The following MAST4 variants were observed in gnomAD, a reference collection of about 807,000 sequenced individuals.
The protein encoded by MAST4 is microtubule-associated serine/threonine-protein kinase 4.
A neutral mutation model predicts 162.7 loss-of-function variants in MAST4; 89 were observed. That is an observed-to-expected ratio of 0.55 (90% CI 0.46 to 0.65). The LOEUF (loss-of-function observed/expected upper bound fraction) is 0.65, where lower values mean the gene tolerates loss of function less well. MAST4 is among the 30% of genes least tolerant of loss of function. MAST4 has a pLI of 0.00. For synonymous variants in MAST4, 1,479 were observed against 1,361.1 expected, an observed-to-expected ratio of 1.09 and a Z score of -1.91; for missense variants, 3,153 against 3,374.0, an observed-to-expected ratio of 0.93 and a Z score of 1.62.
chr5:66,688,074 G>C (rs991126238), intron 1 of MAST4, among the ~76,000 whole-genome samples: 8 of 152,098 alleles, frequency 5.3e-5, no homozygotes, highest in Non-Finnish European at 1.0e-4. Flanking sequence ...CCTTTAGCTT[G>C]GTTTGGACAG....
intron 1 of MAST4, among the ~76,000 whole-genome samples, chr5:66,730,749 C>G (rs926040479): frequency 8.0e-6 from 1 of 125,110 alleles, no homozygotes; most frequent in African/African-American, 3.4e-5. Flanking sequence ...TGCCTACCTA[C>G]TCTGTGTGTG....
chr5:66,841,090 T>G (rs777762283), intron 3 of MAST4, among the ~76,000 whole-genome samples: 2 of 152,136 alleles, frequency 1.3e-5, no homozygotes, highest in Non-Finnish European at 2.9e-5. Context: ...GATATATTAC[T>G]TACCTCCCAG....
At chr5:66,901,274 T>C (rs766636585) in intron 4 of MAST4, among the ~76,000 whole-genome samples, 1 of 152,126 alleles carries the variant, frequency 6.6e-6, no homozygotes, top group Non-Finnish European at 1.5e-5. Flanking sequence ...ATCTTGCTTT[T>C]AGCCTTTTTA....
At chr5:67,061,913 GT>G (rs1164753444) in intron 5 of MAST4, among the ~76,000 whole-genome samples, 1 of 152,032 alleles carries the variant, frequency 6.6e-6, no homozygotes, top group Non-Finnish European at 1.5e-5. Context: ...CATTACAACA[GT>G]TTTTTCCACC....
At chr5:66,786,643 C>T (rs1046144471) in intron 2 of MAST4, among the ~76,000 whole-genome samples, 1 of 152,172 alleles carries the variant, frequency 6.6e-6, no homozygotes, top group Non-Finnish European at 1.5e-5. Context: ...TCCTGCTCTT[C>T]CTCATTAATT....
intron 3 of MAST4, among the ~76,000 whole-genome samples, chr5:66,851,230 C>T (rs1205138717): frequency 6.6e-6 from 1 of 152,182 alleles, no homozygotes. Context: ...CCCAAATCAA[C>T]TACTTTGAAG....
In MAST4 at chr5:67,167,684, G is replaced by C. The variant is rs894900592; in HGVS notation, c.*633G>C. ...AGAGTTTCTGATAGTACTGTATCTGGCTACCTATATTTCCAGATCTAAAGC... is the reference window on the plus strand; with the variant it reads ...AGAGTTTCTGATAGTACTGTATCTGCCTACCTATATTTCCAGATCTAAAGC... On this transcript the variant is annotated 3_prime_UTR_variant, in exon 29 of 29. Transcript: ENST00000403625. The C allele has an allele frequency of 1.3e-5, 2 of 152,142 alleles. No homozygotes were observed. Among genetic ancestry groups the C allele is most frequent in the Admixed American group, 6.5e-5 (1 of 15,278 alleles). 9.4% of individuals were successfully genotyped at this position (152,142 alleles called of 1,614,324 possible).
intron 1 of MAST4, among the ~76,000 whole-genome samples, chr5:66,629,139 G>T (rs1031758446): frequency 1.3e-5 from 2 of 152,214 alleles, no homozygotes; most frequent in Non-Finnish European, 2.9e-5. Context: ...AATTGAGCCT[G>T]CATTGATAAT....
intron 4 of MAST4, among the ~76,000 whole-genome samples, chr5:66,978,896 A>C (rs1292498343): frequency 6.6e-6 from 1 of 152,200 alleles, no homozygotes. Flanking sequence ...ATGGTAGCTT[A>C]GTAAGATTTC....
intron 1 of MAST4, among the ~76,000 whole-genome samples, chr5:66,600,979 T>C (rs117456860): frequency 6.6e-6 from 1 of 152,218 alleles, no homozygotes; most frequent in Non-Finnish European, 1.5e-5. Context: ...ATGGTTTCTC[T>C]TATTAACAAT....
intron 1 of MAST4, among the ~76,000 whole-genome samples, chr5:66,745,979 G>A (rs1012216983): frequency 2.6e-5 from 4 of 152,172 alleles, no homozygotes; most frequent in African/African-American, 7.2e-5. Flanking sequence ...ACAGCACATA[G>A]GCAGTAGGTT....
chr5:67,119,474 C>G (rs1268421962), intron 13 of MAST4, among the ~76,000 whole-genome samples: 1 of 152,108 alleles, frequency 6.6e-6, no homozygotes, highest in African/African-American at 2.4e-5. Flanking sequence ...GATAAGAACC[C>G]AGGCTCTGGA....
At chr5:66,636,350 T>C (rs769325619) in intron 1 of MAST4, among the ~76,000 whole-genome samples, 24 of 152,190 alleles carry the variant, frequency 1.6e-4, no homozygotes, top group Admixed American at 4.6e-4. Flanking sequence ...GAGATGGCAA[T>C]GTAACAAGTA....
rs541339004 is a variant in MAST4 at position 67,094,356 on chromosome 5, T to C, written c.834-1241T>C. On this transcript the variant is annotated intron_variant, in intron 6 of 28. Transcript: ENST00000403625. ...TTACGTTAACATCTAACTGTGACGT[T>C]TCTCAAATTCAAGCCTAATGTTGTT... is the stretch of plus-strand genomic sequence containing the variant. 4.9e-4 allele frequency among the ~76,000 whole-genome samples: 75 copies of C among 152,296 alleles called. No individual in the cohort carries two copies. In the South Asian group the frequency reaches 0.016, roughly 32 times the overall value.
intron 4 of MAST4, among the ~76,000 whole-genome samples, chr5:66,961,030 C>T (rs987447235): frequency 2.0e-5 from 3 of 152,112 alleles, no homozygotes; most frequent in Admixed American, 2.0e-4. Flanking sequence ...GCCTAGGGAG[C>T]GTGAGAGTGG....
intron 2 of MAST4, among the ~76,000 whole-genome samples, chr5:66,788,080 GAAC>G (rs1755201466): frequency 6.6e-6 from 1 of 152,198 alleles, no homozygotes; most frequent in Non-Finnish European, 1.5e-5. Flanking sequence ...ATTACTCAGT[GAAC>G]CTAGACTGAC....
intron 16 of MAST4, 134 bp from the exon 17 acceptor site, chr5:67,133,380 C>T (rs183524572): frequency 3.2e-6 from 3 of 932,312 alleles, no homozygotes; most frequent in South Asian, 3.4e-5. Flanking sequence ...CATCTCTTTC[C>T]AGGCTGGGTT....
intron 1 of MAST4, among the ~76,000 whole-genome samples, chr5:66,709,606 C>T (rs1256770630): frequency 6.6e-6 from 1 of 152,146 alleles, no homozygotes; most frequent in Non-Finnish European, 1.5e-5. Flanking sequence ...CATGAGCCAC[C>T]ATATGCAGCC....
At chr5:67,095,092 G>A (rs1366288395) in intron 6 of MAST4, among the ~76,000 whole-genome samples, 1 of 152,190 alleles carries the variant, frequency 6.6e-6, no homozygotes, top group Non-Finnish European at 1.5e-5. Flanking sequence ...AGCCAGCCAT[G>A]AGCCTAATGA....
Sources: allele counts gnomAD v4.1 joint callset (sites outside exome capture counted in the v4.1 genomes callset), GRCh38; gene constraint gnomAD v4.1.1; transcripts MANE v1.5; gene names NCBI Gene and HGNC (gene_info 2026-07-23, HGNC 2026-07-21).